SCLT1: variants seen among roughly 807,000 people sequenced by gnomAD.
The protein encoded by SCLT1 is sodium channel and clathrin linker 1, also known as sodium channel-associated protein 1.
Under a neutral mutation model 112.8 loss-of-function variants are expected in SCLT1, and 78 were observed. That is an observed-to-expected ratio of 0.69 (90% confidence interval 0.58 to 0.83). The LOEUF is 0.83. SCLT1 is among the 40% of genes least tolerant of loss of function. The probability of loss-of-function intolerance (pLI) is 0.00; values close to 1 mark genes in which losing one functional copy is unlikely to be tolerated. For synonymous variants in SCLT1, 257 were observed against 254.7 expected, an observed-to-expected ratio of 1.01 and a Z score of -0.09; for missense variants, 747 against 770.4, an observed-to-expected ratio of 0.97 and a Z score of 0.36.
chr4:128,916,203 C>A (rs1397348165), intron 18 of SCLT1, among the ~76,000 whole-genome samples: 1 of 152,146 alleles, frequency 6.6e-6, no homozygotes, highest in Non-Finnish European at 1.5e-5. Context: ...TACAGGGATA[C>A]TAAAATTCTG....
chr4:129,020,598 G>A (rs898318934), intron 5 of SCLT1, among the ~76,000 whole-genome samples: 1 of 152,090 alleles, frequency 6.6e-6, no homozygotes, highest in Non-Finnish European at 1.5e-5. Context: ...CTACATAGAG[G>A]GGTACCACCA....
Position 128,948,503 on chromosome 4 carries a change from A to G in SCLT1, c.1286T>C (p.Leu429Pro). 1 of 1,606,814 alleles carries G rather than the reference A, an allele frequency of 6.2e-7. No homozygotes were observed. Among genetic ancestry groups the G allele is most frequent in the Non-Finnish European group, 8.5e-7 (1 of 1,175,844 alleles). The stretch of plus-strand genomic sequence containing the variant: ...TTTCCTTTTTCTTTTTACCTTTTCT[A>G]GTTCTTCTTCCACTGCTTTTTTTTC... ...IKEKKAVEEE[L>P]EKIYREGRGN... The change falls in exon 15 of 21, where the codon CTA (leucine) becomes CCA (proline). Residue 429 changes from leucine (L) to proline (P), a missense_variant. This residue lies in a region of SCLT1 where 723 missense variants were observed against 721.3 expected (regional missense o/e 1.00). Transcript: ENST00000281142.
At chr4:129,018,232 C>G (rs1745156699) in intron 5 of SCLT1, among the ~76,000 whole-genome samples, 1 of 152,204 alleles carries the variant, frequency 6.6e-6, no homozygotes, top group Admixed American at 6.5e-5. Flanking sequence ...CAGAACCAAA[C>G]CCATATCCTG....
intron 18 of SCLT1, among the ~76,000 whole-genome samples, chr4:128,912,724 C>A (rs925671072): frequency 6.6e-6 from 1 of 151,596 alleles, no homozygotes; most frequent in Non-Finnish European, 1.5e-5. Context: ...TCCTCCTCTT[C>A]GCCCTCCTCC....
chr4:129,030,863 C>T (rs904915294), intron 5 of SCLT1, among the ~76,000 whole-genome samples: 3 of 151,960 alleles, frequency 2.0e-5, no homozygotes, highest in East Asian at 1.9e-4. Flanking sequence ...GATTCACAGC[C>T]GAATTCTACA....
At chr4:128,961,667 C>T (rs1057511971) in intron 11 of SCLT1, among the ~76,000 whole-genome samples, 9 of 152,182 alleles carry the variant, frequency 5.9e-5, no homozygotes, top group South Asian at 2.1e-4. Flanking sequence ...TCTGTCTAAA[C>T]TTAATCTGTA....
intron 5 of SCLT1, among the ~76,000 whole-genome samples, chr4:129,028,594 T>G (rs1746369358): frequency 6.6e-6 from 1 of 151,956 alleles, no homozygotes; most frequent in African/African-American, 2.4e-5. Flanking sequence ...ACCTATGCAT[T>G]ACCATTCAAG....
intron 11 of SCLT1, among the ~76,000 whole-genome samples, chr4:128,961,533 T>C (rs755635550): frequency 6.6e-6 from 1 of 152,040 alleles, no homozygotes; most frequent in Non-Finnish European, 1.5e-5. Context: ...AGACATTTCT[T>C]TTTTTTTAAA....
intron 4 of SCLT1, among the ~76,000 whole-genome samples, chr4:128,876,026 C>A (rs2125913578): frequency 6.6e-6 from 1 of 152,182 alleles, no homozygotes; most frequent in Middle Eastern, 3.4e-3. Context: ...AGATTGTTTC[C>A]TGCCTGAAAC....
chr4:128,939,266 T>C (rs1481506166), intron 17 of SCLT1, among the ~76,000 whole-genome samples: 5 of 152,174 alleles, frequency 3.3e-5, no homozygotes. Flanking sequence ...CCTGAAATAA[T>C]CTCTTTCTGC....
At chr4:128,964,209 C>T (rs1486248426) in intron 11 of SCLT1, among the ~76,000 whole-genome samples, 1 of 152,048 alleles carries the variant, frequency 6.6e-6, no homozygotes, top group African/African-American at 2.4e-5. Context: ...TTGGTAGTTA[C>T]AATGCTAAGA....
Position 129,039,098 on chromosome 4 carries a change from T to C in SCLT1, c.235-2A>G. ...TAATTTCATCTCACCCACCTGTTTC[T>C]GAAAGAATAAAATATGGTGTGGCAA... On this transcript the variant is annotated splice_acceptor_variant, in intron 4 of 20. Coordinates refer to ENST00000281142, the MANE Select transcript of SCLT1 (RefSeq NM_144643.4). LOFTEE classifies it high-confidence loss of function. The C allele has an allele frequency of 6.3e-7, 1 of 1,595,506 alleles. No individual in the cohort carries two copies. Among genetic ancestry groups the C allele is most frequent in the Non-Finnish European group, 8.6e-7 (1 of 1,163,744 alleles).
At chr4:128,979,379 AT>A (rs560922664) in intron 9 of SCLT1, among the ~76,000 whole-genome samples, 1 of 152,302 alleles carries the variant, frequency 6.6e-6, no homozygotes, top group South Asian at 2.1e-4. Flanking sequence ...CGAAAATGGG[AT>A]TAGTGCCCTC....
chr4:128,925,182 A>G (rs1736199016), intron 18 of SCLT1, among the ~76,000 whole-genome samples: 1 of 152,180 alleles, frequency 6.6e-6, no homozygotes, highest in Admixed American at 6.5e-5. Context: ...ACCCTGAGTC[A>G]GAGGCATTCT....
chr4:128,890,322 A>AT lies in SCLT1; in HGVS notation c.1908+736dup, dbSNP rs372593192. Among the ~76,000 whole-genome samples, 36 of 151,964 alleles carry AT rather than the reference A, an allele frequency of 2.4e-4. No homozygotes were observed. In the East Asian group the frequency reaches 3.1e-3, roughly 13 times the overall value. On this transcript the variant is annotated intron_variant, in intron 19 of 20. Coordinates refer to ENST00000281142, the MANE Select transcript of SCLT1 (RefSeq NM_144643.4). ...TACTGTACTGAGTACCTTCTTTCAA[A>AT]TTTTTTTTGTATTTTAAATTACTCA...
chr4:129,055,933 A>T (rs1226993405), intron 2 of SCLT1, among the ~76,000 whole-genome samples: 2 of 152,194 alleles, frequency 1.3e-5, no homozygotes, highest in African/African-American at 4.8e-5. Flanking sequence ...CTGGTGGTGT[A>T]GGCAACAAGG....
Position 128,948,572 on chromosome 4 carries a change from T to A in SCLT1, c.1219-2A>T. 1 of 1,594,166 alleles carries A rather than the reference T, an allele frequency of 6.3e-7. No individual in the cohort carries two copies. Among genetic ancestry groups the A allele is most frequent in the Non-Finnish European group, 8.6e-7 (1 of 1,164,240 alleles). ...TTGGCCTTGTTTTTCAGCACACTCC[T>A]ATAAATTCAAGTCATATTGTAAATA... On this transcript the variant is annotated splice_acceptor_variant, in intron 14 of 20. Transcript: ENST00000281142. LOFTEE classifies it high-confidence loss of function.
intron 6 of SCLT1, among the ~76,000 whole-genome samples, chr4:129,001,342 G>A (rs914888955): frequency 6.6e-6 from 1 of 151,634 alleles, no homozygotes; most frequent in African/African-American, 2.4e-5. Flanking sequence ...GTGGTGGGGG[G>A]GTGGGGAGGC....
At chr4:129,007,151 CT>C (rs59881966) in intron 5 of SCLT1, among the ~76,000 whole-genome samples, 2,761 of 150,946 alleles carry the variant, frequency 0.018, 71 homozygotes, top group African/African-American at 0.056. Context: ...CTGAGAGTTG[CT>C]TTTTTTTTGA....
Sources: allele counts gnomAD v4.1 joint callset (sites outside exome capture counted in the v4.1 genomes callset), GRCh38; gene constraint gnomAD v4.1.1; regional missense constraint gnomAD v4.1.1; transcripts MANE v1.5; gene names NCBI Gene and HGNC (gene_info 2026-07-23, HGNC 2026-07-21).